Variants in C8orf34 observed in about 807,000 individuals in gnomAD.
C8orf34 encodes chromosome 8 open reading frame 34.
A neutral mutation model predicts 68.3 loss-of-function variants in C8orf34; 65 were observed. That is an observed-to-expected ratio of 0.95 (90% CI 0.78 to 1.17). The LOEUF is 1.17. Among genes scored for constraint, C8orf34 ranks in the 50% most tolerant of loss-of-function variants. The pLI, the probability that C8orf34 is intolerant of heterozygous loss-of-function variation, is 0.00. For synonymous variants in C8orf34, 244 were observed against 241.2 expected, an observed-to-expected ratio of 1.01 and a Z score of -0.11; for missense variants, 664 against 655.4, an observed-to-expected ratio of 1.01 and a Z score of -0.14.
At chr8:68,690,171 T>C (rs761209866) in intron 8 of C8orf34, among the ~76,000 whole-genome samples, 1 of 152,062 alleles carries the variant, frequency 6.6e-6, no homozygotes, top group Non-Finnish European at 1.5e-5. Context: ...GCCTATATTA[T>C]TGGAGTGAAA....
intron 9 of C8orf34, among the ~76,000 whole-genome samples, chr8:68,715,050 T>G (rs1432717276): frequency 6.6e-6 from 1 of 152,068 alleles, no homozygotes; most frequent in Non-Finnish European, 1.5e-5. Context: ...CAATAAATGG[T>G]GCTGGGATAA....
chr8:68,589,775 TAAGG>T (rs1817325090), intron 7 of C8orf34, among the ~76,000 whole-genome samples: 1 of 104,124 alleles, frequency 9.6e-6, no homozygotes, highest in Non-Finnish European at 1.9e-5. Context: ...GAGAGAGAAA[TAAGG>T]AAGGTGGAGA....
At chr8:68,461,394 C>G (rs1811817848) in intron 3 of C8orf34, among the ~76,000 whole-genome samples, 1 of 152,196 alleles carries the variant, frequency 6.6e-6, no homozygotes, top group Non-Finnish European at 1.5e-5. Context: ...AGAACTTCCC[C>G]AATCTAGCAA....
chr8:68,400,306 A>T (rs540610823), intron 1 of C8orf34, among the ~76,000 whole-genome samples: 1 of 152,212 alleles, frequency 6.6e-6, no homozygotes, highest in East Asian at 1.9e-4. Context: ...TCAGGTCTCA[A>T]ATTTAAGTTC....
At chr8:68,378,162 C>A (rs1246825401) in intron 1 of C8orf34, among the ~76,000 whole-genome samples, 1 of 152,082 alleles carries the variant, frequency 6.6e-6, no homozygotes, top group Non-Finnish European at 1.5e-5. Flanking sequence ...TAATTTATTT[C>A]TTGATTAATT....
intron 5 of C8orf34, among the ~76,000 whole-genome samples, chr8:68,516,981 C>G (rs1372645770): frequency 6.6e-6 from 1 of 152,048 alleles, no homozygotes; most frequent in Non-Finnish European, 1.5e-5. Flanking sequence ...TTAAGAACGT[C>G]AAAACCTAGG....
Position 68,426,000 on chromosome 8 carries a change from G to A in C8orf34, c.328-13499G>A, listed in dbSNP as rs114960883. ...ATTGACTCTTGACCTTAAACATTGC[G>A]TCTTATGCAAAAATTAACTCAAAAT... On this transcript the variant is annotated intron_variant, in intron 1 of 13. Transcript: ENST00000518698. 1.6e-3 allele frequency among the ~76,000 whole-genome samples: 242 copies of A among 152,208 alleles called. No individual in the cohort carries two copies. In the Middle Eastern group the frequency reaches 0.017, roughly 11 times the overall value.
intron 8 of C8orf34, among the ~76,000 whole-genome samples, chr8:68,687,105 A>G (rs929370352): frequency 1.3e-5 from 2 of 152,128 alleles, no homozygotes; most frequent in Non-Finnish European, 2.9e-5. Flanking sequence ...ACTGCCAAAA[A>G]GAAAATATGA....
At chr8:68,708,326 G>T (rs1200843364) in intron 8 of C8orf34, among the ~76,000 whole-genome samples, 1 of 152,206 alleles carries the variant, frequency 6.6e-6, no homozygotes, top group Non-Finnish European at 1.5e-5. Flanking sequence ...ATGAGATTCT[G>T]CTGTGGTATA....
At chr8:68,595,335 A>G (rs1817513099) in intron 7 of C8orf34, among the ~76,000 whole-genome samples, 1 of 152,082 alleles carries the variant, frequency 6.6e-6, no homozygotes, top group South Asian at 2.1e-4. Flanking sequence ...GTCTAAAAAT[A>G]TCATTTTAAA....
chr8:68,505,855 C>T (rs1433302236), intron 5 of C8orf34, among the ~76,000 whole-genome samples: 2 of 151,818 alleles, frequency 1.3e-5, no homozygotes, highest in Non-Finnish European at 2.9e-5. Context: ...AAAAACTGAA[C>T]TAGTTGGAAT....
At position 68,748,336 on chromosome 8, in the gene C8orf34, C is replaced by T. The variant is rs1362988965; in HGVS notation, c.1404+26899C>T. 2.7e-5 allele frequency among the ~76,000 whole-genome samples: 4 copies of T among 147,802 alleles called. No individual in the cohort carries two copies. In the East Asian group the frequency reaches 7.9e-4, roughly 29 times the overall value. On this transcript the variant is annotated intron_variant, in intron 10 of 13. Transcript: ENST00000518698. The stretch of plus-strand genomic sequence containing the variant: ...AGGACATAGGCACGGGCAAGGACTT[C>T]ATGTCTAAAACACCAAAAGCAATGG...
intron 10 of C8orf34, among the ~76,000 whole-genome samples, chr8:68,735,541 G>A (rs1310789665): frequency 6.6e-6 from 1 of 152,056 alleles, no homozygotes; most frequent in Non-Finnish European, 1.5e-5. Context: ...AATCATGTTT[G>A]CTTTGGTCAA....
intron 1 of C8orf34, among the ~76,000 whole-genome samples, chr8:68,421,678 C>A (rs1259250013): frequency 2.0e-5 from 3 of 152,172 alleles, no homozygotes; most frequent in Admixed American, 6.5e-5. Context: ...GCTGAACAAA[C>A]CCTGGCTCTA....
chr8:68,689,193 G>T (rs903340833), intron 8 of C8orf34, among the ~76,000 whole-genome samples: 11 of 151,960 alleles, frequency 7.2e-5, no homozygotes, highest in Non-Finnish European at 1.3e-4. Context: ...GTTAAGCTAT[G>T]AGGATTCAAA....
intron 7 of C8orf34, among the ~76,000 whole-genome samples, chr8:68,539,208 T>C (rs1194695588): frequency 1.3e-5 from 2 of 152,216 alleles, no homozygotes; most frequent in Middle Eastern, 3.4e-3. Flanking sequence ...TTCAAATGCT[T>C]TATAAAATGG....
intron 1 of C8orf34, among the ~76,000 whole-genome samples, chr8:68,388,022 C>T (rs142478202): frequency 1.1e-4 from 17 of 152,238 alleles, no homozygotes; most frequent in African/African-American, 4.1e-4. Flanking sequence ...AGTTGTGTTA[C>T]AGTGGTTCTT....
chr8:68,416,876 A>G (rs911933568), intron 1 of C8orf34, among the ~76,000 whole-genome samples: 3 of 152,126 alleles, frequency 2.0e-5, no homozygotes, highest in African/African-American at 7.2e-5. Flanking sequence ...GTAAATATTT[A>G]TTCACATAAA....
chr8:68,449,034 A>G (rs1245578121), intron 3 of C8orf34, among the ~76,000 whole-genome samples: 1 of 152,178 alleles, frequency 6.6e-6, no homozygotes, highest in Non-Finnish European at 1.5e-5. Context: ...AAAGGAAGAT[A>G]TAAACAGAAT....
Sources: gnomAD v4.1 joint callset for allele counts (sites outside exome capture counted in the v4.1 genomes callset) on GRCh38, gnomAD v4.1.1 for gene constraint, MANE v1.5 for transcripts, NCBI Gene and HGNC (gene_info 2026-07-23, HGNC 2026-07-21) for gene names.